The following ZNF718 variants were observed in gnomAD, a reference collection of about 807,000 sequenced individuals.
ZNF718 encodes zinc finger protein 718.
Under a neutral mutation model 2.6 loss-of-function variants are expected in ZNF718, and 3 were observed. That is an observed-to-expected ratio of 1.16 (90% CI 0.53 to 3.01). The LOEUF (loss-of-function observed/expected upper bound fraction) is 3.01. Ranked by LOEUF, ZNF718 falls within the 30% of genes most tolerant of loss-of-function variation. The probability of loss-of-function intolerance (pLI) is 0.03; values close to 1 mark genes in which losing one functional copy is unlikely to be tolerated. For synonymous variants in ZNF718, 135 were observed against 77.9 expected, an observed-to-expected ratio of 1.73 and a Z score of -3.86; for missense variants, 468 against 230.0, an observed-to-expected ratio of 2.03 and a Z score of -6.69.
chr4:181,916 T>G (rs1717473193), intron 3 of ZNF718, among the ~76,000 whole-genome samples: 1 of 152,322 alleles, frequency 6.6e-6, no homozygotes, highest in South Asian at 2.1e-4. Context: ...ACATGCAGTA[T>G]TTGGTTTTCA....
intron 3 of ZNF718, among the ~76,000 whole-genome samples, chr4:139,329 C>T (rs1715709752): frequency 6.6e-6 from 1 of 152,108 alleles, no homozygotes; most frequent in South Asian, 2.1e-4. Flanking sequence ...TAGTTTTATT[C>T]CTCTGAATAT....
intron 3 of ZNF718, among the ~76,000 whole-genome samples, chr4:146,686 A>G (rs955878084): frequency 2.6e-5 from 4 of 152,046 alleles, no homozygotes; most frequent in Non-Finnish European, 4.4e-5. Flanking sequence ...TTTATCATAT[A>G]GCATGGGTTC....
At chr4:172,793 C>T (rs1207038810) in intron 3 of ZNF718, among the ~76,000 whole-genome samples, 2 of 152,096 alleles carry the variant, frequency 1.3e-5, no homozygotes, top group Non-Finnish European at 2.9e-5. Flanking sequence ...TGGTGACTCT[C>T]ACCTGTAATC....
chr4:182,522 C>T (rs115473863), intron 3 of ZNF718, among the ~76,000 whole-genome samples: 2,630 of 151,998 alleles, frequency 0.017, 73 homozygotes, highest in African/African-American at 0.06. Context: ...CAACCTCCAC[C>T]GCCTGGGTAT....
At chr4:156,411 G>A (rs782399908) in intron 3 of ZNF718, among the ~76,000 whole-genome samples, 2 of 151,962 alleles carry the variant, frequency 1.3e-5, no homozygotes, top group African/African-American at 2.4e-5. Flanking sequence ...TTATGTGTGG[G>A]AGAGCACTTT....
chr4:182,717 G>A (rs1553820021), intron 3 of ZNF718, among the ~76,000 whole-genome samples: 1 of 152,076 alleles, frequency 6.6e-6, no homozygotes, highest in African/African-American at 2.4e-5. Context: ...ACAGGTGTGA[G>A]CCACTGCGTT....
chr4:170,586 A>G (rs1405861868), intron 3 of ZNF718, among the ~76,000 whole-genome samples: 1 of 151,678 alleles, frequency 6.6e-6, no homozygotes, highest in South Asian at 2.1e-4. Context: ...TTCTCACTTC[A>G]TTTCATTTAT....
intron 3 of ZNF718, among the ~76,000 whole-genome samples, chr4:195,558 T>A (rs1320475756): frequency 1.3e-5 from 2 of 151,956 alleles, no homozygotes; most frequent in African/African-American, 4.8e-5. Context: ...TACTTTAAGA[T>A]TTTTGAGTTA....
At chr4:194,550 ACT>A (rs782197128) in intron 3 of ZNF718, among the ~76,000 whole-genome samples, 4 of 152,032 alleles carry the variant, frequency 2.6e-5, no homozygotes, top group Non-Finnish European at 5.9e-5. Flanking sequence ...AGATCGCCAA[ACT>A]CTCAGGCTAC....
At chr4:156,793 GCT>G (rs1367817983) in intron 3 of ZNF718, among the ~76,000 whole-genome samples, 1 of 151,790 alleles carries the variant, frequency 6.6e-6, no homozygotes, top group Non-Finnish European at 1.5e-5. Flanking sequence ...ATTATTTTTT[GCT>G]TCTAAAAAAC....
Position 163,122 on chromosome 4 carries a change from A to G in ZNF718, c.*1000A>G, listed in dbSNP as rs2108805975. 1 of 152,322 alleles carries G rather than the reference A, an allele frequency of 6.6e-6. No homozygotes were observed. Among genetic ancestry groups the G allele is most frequent in the South Asian group, 2.1e-4 (1 of 4,822 alleles). The allele number at this position is 152,322 out of a possible 1,614,324, so 9.4% of individuals were successfully genotyped here. A position where few individuals can be genotyped will look rare whatever the true frequency, so the allele number is the denominator to read the frequency against. On this transcript the variant is annotated 3_prime_UTR_variant, in exon 4 of 4. Coordinates refer to ENST00000510175, the MANE Select transcript of ZNF718 (RefSeq NM_001039127.6). ...CTGATTCAACTTATTGTTTATATGA[A>G]AGCATGTGATGAATTGTTGCATCAG...
Position 161,569 on chromosome 4 carries a change from C to G in ZNF718, c.884C>G (p.Ser295Cys), listed in dbSNP as rs1560122609. The G allele has an allele frequency of 1.3e-6, 1 of 780,806 alleles. No homozygotes were observed. The highest frequency in any genetic ancestry group is 1.7e-5 in the Admixed American group (1 of 59,012). 48.4% of individuals were successfully genotyped at this position (780,806 alleles called of 1,614,324 possible). The part of the protein sequence containing the change: ...CEECGKAFKW[S>C]SSLNEHKRIH... ...GAATGTGGTAAAGCCTTTAAGTGGTCCTCATCCCTTAATGAACATAAGAGA... is the reference window on the plus strand; with the variant it reads ...GAATGTGGTAAAGCCTTTAAGTGGTGCTCATCCCTTAATGAACATAAGAGA... The change falls in exon 4 of 4, where the codon TCC becomes TGC. Residue 295 changes from serine to cysteine, a missense_variant. Ser to Cys is a moderately radical substitution (Grantham distance 112, BLOSUM62 -1). Transcript: ENST00000510175.
At chr4:138,535 G>C (rs535750842) in intron 3 of ZNF718, among the ~76,000 whole-genome samples, 6 of 152,252 alleles carry the variant, frequency 3.9e-5, no homozygotes, top group African/African-American at 9.6e-5. Flanking sequence ...TCATGTAAGG[G>C]ACACTTAGGT....
chr4:159,306 G>C (rs1008378536), intron 3 of ZNF718, among the ~76,000 whole-genome samples: 1 of 152,026 alleles, frequency 6.6e-6, no homozygotes, highest in African/African-American at 2.4e-5. Flanking sequence ...AAAGTGTTGG[G>C]ATTACAGGTC....
intron 3 of ZNF718, among the ~76,000 whole-genome samples, chr4:147,614 A>G (rs1716124240): frequency 6.6e-6 from 1 of 152,174 alleles, no homozygotes; most frequent in Non-Finnish European, 1.5e-5. Context: ...AAAAAATCCC[A>G]GCACTTTGGG....
chr4:188,059 CCACCTTTGTCCCAGT>C (rs1717606017), intron 3 of ZNF718, among the ~76,000 whole-genome samples: 1 of 152,196 alleles, frequency 6.6e-6, no homozygotes, highest in Admixed American at 6.5e-5. Context: ...TGCTGGGGAA[CCACCTTTGTCCCAGT>C]CAGCTTGGAC....
At chr4:188,547 T>C (rs6829346) in intron 3 of ZNF718, among the ~76,000 whole-genome samples, 69,987 of 152,014 alleles carry the variant, frequency 0.46, 16,553 homozygotes, top group South Asian at 0.53. Context: ...CCTGGAGGCA[T>C]GCACTGACCT....
Position 172,960 on chromosome 4 carries a change from G to A in ZNF718, c.227-28121G>A, listed in dbSNP as rs192774132. On this transcript the variant is annotated intron_variant and NMD_transcript_variant, in intron 3 of 4. Coordinates refer to the ZNF718 transcript ENST00000642529. The stretch of plus-strand genomic sequence containing the variant: ...CTCAGGAGGCTGAGGCAGGAGAATC[G>A]CTTGAACCTGGGAGGTGTAGGTTGC... Among the ~76,000 whole-genome samples, 381 of 152,160 alleles carry A rather than the reference G, an allele frequency of 2.5e-3. 5 individuals carry two copies. The highest frequency in any genetic ancestry group is 8.7e-3 in the African/African-American group (361 of 41,538).
downstream of ZNF718, among the ~76,000 whole-genome samples, chr4:165,068 T>G (rs530785375): frequency 6.6e-6 from 1 of 152,250 alleles, no homozygotes; most frequent in Admixed American, 6.5e-5. Context: ...TTATCTTCAG[T>G]TTTTTGATGT....
Sources: gnomAD v4.1 joint callset for allele counts (sites outside exome capture counted in the v4.1 genomes callset) on GRCh38, gnomAD v4.1.1 for gene constraint, MANE v1.5 for transcripts, NCBI Gene and HGNC (gene_info 2026-07-23, HGNC 2026-07-21) for gene names.